Variants in CNTN4 observed in about 807,000 individuals in gnomAD.
CNTN4 encodes the protein contactin 4.
A neutral mutation model predicts 122.5 loss-of-function variants in CNTN4; 77 were observed. The ratio of observed to expected loss-of-function variants is 0.63; its 90% confidence interval spans 0.52 to 0.76. The LOEUF is 0.76. Ranked by LOEUF, CNTN4 falls within the 30% of genes least tolerant of loss-of-function variation. The pLI is 0.00. For synonymous variants in CNTN4, 512 were observed against 447.0 expected, an observed-to-expected ratio of 1.15 and a Z score of -1.83; for missense variants, 1,256 against 1,259.1, an observed-to-expected ratio of 1.00 and a Z score of 0.04.
chr3:2,643,477 G>C lies in CNTN4; in HGVS notation c.55+71919G>C, dbSNP rs558875786. On this transcript the variant is annotated intron_variant, in intron 4 of 24. Coordinates refer to ENST00000418658, the MANE Select transcript of CNTN4 (RefSeq NM_175607.3). ...CTGAGCCACAGTGCCCAGCCGGAAAGCTCTTATTGAACGACGTTCACTAGT... is the reference window on the plus strand; with the variant it reads ...CTGAGCCACAGTGCCCAGCCGGAAACCTCTTATTGAACGACGTTCACTAGT... Among the ~76,000 whole-genome samples the C allele has an allele frequency of 2.6e-5, 4 of 152,190 alleles. 1 individual carries two copies. The South Asian group carries it at 8.3e-4, about 32-fold the overall frequency.
At chr3:3,016,453 C>T (rs963242389) in intron 14 of CNTN4, among the ~76,000 whole-genome samples, 1 of 152,158 alleles carries the variant, frequency 6.6e-6, no homozygotes, top group Non-Finnish European at 1.5e-5. Flanking sequence ...TGAAGCATGG[C>T]ACAAATCCAG....
rs1452779038 is a variant in CNTN4 at position 3,057,607 on chromosome 3, G to C, written c.*1387G>C. 3 of 152,514 alleles carry C rather than the reference G, an allele frequency of 2.0e-5. No individual in the cohort carries two copies. The highest frequency in any genetic ancestry group is 4.4e-5 in the Non-Finnish European group (3 of 67,998). The allele number at this position is 152,514 out of a possible 1,614,324, so 9.4% of individuals were successfully genotyped here. ...CTTCTTTCTCAGAGAACTCAAATTTGCTATAGTTTGTCATTTTTGCTTACA... is the reference window on the plus strand; with the variant it reads ...CTTCTTTCTCAGAGAACTCAAATTTCCTATAGTTTGTCATTTTTGCTTACA... On this transcript the variant is annotated 3_prime_UTR_variant, in exon 25 of 25. Transcript: ENST00000418658.
At chr3:2,318,032 A>G (rs904554850) in intron 2 of CNTN4, among the ~76,000 whole-genome samples, 13 of 152,078 alleles carry the variant, frequency 8.5e-5, no homozygotes, top group African/African-American at 3.1e-4. Context: ...CTTAGATGGC[A>G]TGATTTGATA....
intron 2 of CNTN4, among the ~76,000 whole-genome samples, chr3:2,158,935 G>A (rs1478704540): frequency 6.6e-6 from 1 of 152,156 alleles, no homozygotes; most frequent in Non-Finnish European, 1.5e-5. Flanking sequence ...TGTAAGCATC[G>A]TTGGTGGGCT....
chr3:2,105,594 G>C (rs1481903936), intron 2 of CNTN4, among the ~76,000 whole-genome samples: 1 of 152,136 alleles, frequency 6.6e-6, no homozygotes, highest in Non-Finnish European at 1.5e-5. Context: ...CATGAGACCA[G>C]CATGGGGGAA....
intron 23 of CNTN4, among the ~76,000 whole-genome samples, chr3:3,051,110 G>A (rs2125885804): frequency 6.6e-6 from 1 of 152,240 alleles, no homozygotes; most frequent in Middle Eastern, 3.4e-3. Context: ...TTTTATGTGT[G>A]GCCCAAGACA....
Position 2,253,671 on chromosome 3 carries a change from G to A in CNTN4, c.-144-85507G>A, listed in dbSNP as rs187529023. ...TTTTTTTTTTTATTGAGACAGAGTC[G>A]CACTCTGTCACCCAGGCTGGAGGGC... is the stretch of plus-strand genomic sequence containing the variant. On this transcript the variant is annotated intron_variant, in intron 2 of 24. Coordinates refer to ENST00000418658, the MANE Select transcript of CNTN4 (RefSeq NM_175607.3). Among the ~76,000 whole-genome samples, 433 of 150,140 alleles carry A rather than the reference G, an allele frequency of 2.9e-3. 1 individual carries two copies. The highest frequency in any genetic ancestry group is 9.4e-3 in the African/African-American group (385 of 40,864).
intron 2 of CNTN4, among the ~76,000 whole-genome samples, chr3:2,183,258 T>G (rs2037099487): frequency 6.6e-6 from 1 of 152,176 alleles, no homozygotes; most frequent in Admixed American, 6.5e-5. Flanking sequence ...TTAACAGCTT[T>G]GGAGATCCTT....
chr3:2,224,517 T>A (rs1194821650), intron 2 of CNTN4, among the ~76,000 whole-genome samples: 1 of 152,190 alleles, frequency 6.6e-6, no homozygotes, highest in East Asian at 1.9e-4. Flanking sequence ...ATTATTCAAC[T>A]GTGTACCATT....
chr3:2,766,440 C>T (rs980540129), intron 6 of CNTN4, among the ~76,000 whole-genome samples: 1 of 152,118 alleles, frequency 6.6e-6, no homozygotes, highest in African/African-American at 2.4e-5. Flanking sequence ...TAGTGGCATT[C>T]GCAGCAACCT....
chr3:2,414,014 C>T (rs865785161), intron 3 of CNTN4, among the ~76,000 whole-genome samples: 7 of 152,048 alleles, frequency 4.6e-5, no homozygotes, highest in Non-Finnish European at 5.9e-5. Context: ...CGTTGAATAC[C>T]GAGGATGGCA....
rs943674391 is a variant in CNTN4 at position 2,624,951 on chromosome 3, C to G, written c.55+53393C>G. Among the ~76,000 whole-genome samples the G allele has an allele frequency of 7.2e-5, 11 of 152,074 alleles. 1 individual carries two copies. The highest frequency in any genetic ancestry group is 2.7e-4 in the African/African-American group (11 of 41,504). ...CCTGGCCTCTGATTCTTAATTTTAG[C>G]TGTACTACTTAATTATATATGTGAA... On this transcript the variant is annotated intron_variant, in intron 4 of 24. Coordinates refer to ENST00000418658, the MANE Select transcript of CNTN4 (RefSeq NM_175607.3).
chr3:2,867,784 C>A (rs947665499), intron 8 of CNTN4, among the ~76,000 whole-genome samples: 1 of 152,074 alleles, frequency 6.6e-6, no homozygotes, highest in African/African-American at 2.4e-5. Context: ...TACGACCATA[C>A]CCCAAAAGAT....
At chr3:2,432,174 A>C (rs1186182986) in intron 3 of CNTN4, among the ~76,000 whole-genome samples, 1 of 152,198 alleles carries the variant, frequency 6.6e-6, no homozygotes, top group Non-Finnish European at 1.5e-5. Flanking sequence ...ACATTATTTG[A>C]GTAACTAAAC....
intron 3 of CNTN4, among the ~76,000 whole-genome samples, chr3:2,384,337 G>A (rs1275379064): frequency 6.6e-6 from 1 of 152,156 alleles, no homozygotes; most frequent in Non-Finnish European, 1.5e-5. Flanking sequence ...CTTTAGTCTA[G>A]CCGTGGCATG....
At chr3:2,936,968 G>C (rs553639876) in intron 13 of CNTN4, among the ~76,000 whole-genome samples, 1 of 152,286 alleles carries the variant, frequency 6.6e-6, no homozygotes, top group African/African-American at 2.4e-5. Context: ...GACTAAGTGG[G>C]ACTGAGCCTA....
chr3:2,809,430 A>G (rs2150127199), intron 6 of CNTN4, among the ~76,000 whole-genome samples: 1 of 152,308 alleles, frequency 6.6e-6, no homozygotes, highest in Middle Eastern at 3.4e-3. Context: ...TTACGGTATA[A>G]CTAAGTAAGG....
At chr3:2,165,038 G>A (rs952877211) in intron 2 of CNTN4, among the ~76,000 whole-genome samples, 2 of 152,018 alleles carry the variant, frequency 1.3e-5, no homozygotes, top group East Asian at 3.9e-4. Flanking sequence ...TATCACCTAA[G>A]GTGGCCAGGC....
chr3:2,570,018 C>T (rs1027415466), intron 3 of CNTN4, among the ~76,000 whole-genome samples: 2 of 151,908 alleles, frequency 1.3e-5, no homozygotes, highest in Non-Finnish European at 2.9e-5. Flanking sequence ...GAAGATGCTT[C>T]ACATATACAT....
Sources: allele counts gnomAD v4.1 joint callset (sites outside exome capture counted in the v4.1 genomes callset), GRCh38; gene constraint gnomAD v4.1.1; transcripts MANE v1.5; gene names NCBI Gene and HGNC (gene_info 2026-07-23, HGNC 2026-07-21).